SDK1: variants seen among roughly 807,000 people sequenced by gnomAD.
The protein encoded by SDK1 is sidekick cell adhesion molecule 1.
Under a neutral mutation model 245.5 loss-of-function variants are expected in SDK1, and 157 were observed. The ratio of observed to expected loss-of-function variants is 0.64; its 90% CI spans 0.56 to 0.73. The LOEUF (loss-of-function observed/expected upper bound fraction) is 0.73, where lower values mean the gene tolerates loss of function less well. Among genes scored for constraint, SDK1 ranks in the 30% least tolerant of loss-of-function variants. The pLI is 0.00. For synonymous variants in SDK1, 1,647 were observed against 1,278.5 expected (o/e 1.29, Z -6.15); for missense variants, 3,583 against 3,002.3 (o/e 1.19, Z -4.52).
At chr7:3,894,318 G>A (rs992775625) in intron 5 of SDK1, among the ~76,000 whole-genome samples, 10 of 152,048 alleles carry the variant, frequency 6.6e-5, no homozygotes, top group Non-Finnish European at 1.5e-4. Context: ...TTGCCTTCTC[G>A]ACTGGAGGCT....
intron 4 of SDK1, among the ~76,000 whole-genome samples, chr7:3,802,811 C>T (rs1779139950): frequency 6.6e-6 from 1 of 152,138 alleles, no homozygotes; most frequent in African/African-American, 2.4e-5. Context: ...TATTGTGATG[C>T]CGGATTCTGT....
At chr7:3,672,559 C>T (rs1039684323) in intron 4 of SDK1, among the ~76,000 whole-genome samples, 4 of 135,342 alleles carry the variant, frequency 3.0e-5, no homozygotes, top group East Asian at 2.1e-4. Context: ...AGAGTGAGAT[C>T]GATAAAGGAG....
chr7:4,261,501 A>G (rs1051743022), intron 44 of SDK1, among the ~76,000 whole-genome samples: 38 of 152,036 alleles, frequency 2.5e-4, no homozygotes, highest in African/African-American at 8.2e-4. Context: ...GTGGCTGGCA[A>G]TGGGGCCCAC....
chr7:3,338,147 A>G, intron 1 of SDK1: 1 of 218,298 alleles, frequency 4.6e-6, no homozygotes, highest in Non-Finnish European at 9.3e-6. Flanking sequence ...CAAAGAGAAA[A>G]GGGAGAGGCA....
intron 4 of SDK1, among the ~76,000 whole-genome samples, chr7:3,703,598 A>G (rs537754415): frequency 6.6e-6 from 1 of 152,294 alleles, no homozygotes; most frequent in South Asian, 2.1e-4. Context: ...CATTGCACTA[A>G]TTTCAATTTC....
intron 1 of SDK1, among the ~76,000 whole-genome samples, chr7:3,518,476 A>G (rs191501685): frequency 1.7e-4 from 25 of 148,338 alleles, no homozygotes; most frequent in Admixed American, 1.7e-3. Flanking sequence ...AGGAACTTAA[A>G]CATCTGAACA....
chr7:3,658,151 G>C lies in SDK1; in HGVS notation c.713+16046G>C, dbSNP rs954839260. Among the ~76,000 whole-genome samples, 73 of 152,170 alleles carry C rather than the reference G, an allele frequency of 4.8e-4. 1 individual carries two copies. The highest frequency in any genetic ancestry group is 1.7e-3 in the African/African-American group (70 of 41,446). On this transcript the variant is annotated intron_variant, in intron 4 of 44. Coordinates refer to ENST00000404826, the MANE Select transcript of SDK1 (RefSeq NM_152744.4). ...CCTCACAGGACTTTTACTTTGGTGC[G>C]TGATGATCACATCCCCTCACAGGTG... is the stretch of plus-strand genomic sequence containing the variant.
chr7:3,704,671 T>C (rs1784835472), intron 4 of SDK1, among the ~76,000 whole-genome samples: 1 of 152,218 alleles, frequency 6.6e-6, no homozygotes, highest in South Asian at 2.1e-4. Context: ...TTTCTTTTGC[T>C]GTACAGAAGC....
chr7:3,489,666 TA>T (rs1195560271), intron 1 of SDK1, among the ~76,000 whole-genome samples: 9 of 152,234 alleles, frequency 5.9e-5, no homozygotes, highest in Non-Finnish European at 1.3e-4. Flanking sequence ...TTTTTCTGCA[TA>T]TTTGTAATTC....
rs754859469 is a variant in SDK1 at position 3,850,892 on chromosome 7, AG to A, written c.847+29310del. On this transcript the variant is annotated intron_variant, in intron 5 of 44. Coordinates refer to ENST00000404826, the MANE Select transcript of SDK1 (RefSeq NM_152744.4). ...GGGAGGGGGGAGGGAAAGAATTAAG[AG>A]ATATACCTAATGTAAATGACGACTT... Among the ~76,000 whole-genome samples, 3 of 152,132 alleles carry A rather than the reference AG, an allele frequency of 2.0e-5. No individual in the cohort carries two copies. In the East Asian group the frequency reaches 5.8e-4, roughly 29 times the overall value.
chr7:4,239,657 G>A (rs1478120951), intron 42 of SDK1, among the ~76,000 whole-genome samples: 6 of 152,126 alleles, frequency 3.9e-5, no homozygotes, highest in African/African-American at 9.7e-5. Flanking sequence ...AGCCACGCAC[G>A]GCGCCCGGCC....
chr7:3,613,295 G>T (rs1781663868), intron 1 of SDK1, among the ~76,000 whole-genome samples: 1 of 152,102 alleles, frequency 6.6e-6, no homozygotes, highest in Non-Finnish European at 1.5e-5. Flanking sequence ...GATGGGTCAT[G>T]GTCCCTTTCT....
intron 5 of SDK1, among the ~76,000 whole-genome samples, chr7:3,886,625 T>G (rs756109569): frequency 7.2e-5 from 11 of 152,348 alleles, no homozygotes; most frequent in Non-Finnish European, 1.3e-4. Flanking sequence ...GCCTCAAAAG[T>G]TGGCTTTTGG....
chr7:3,685,068 G>A (rs1006637173), intron 4 of SDK1, among the ~76,000 whole-genome samples: 10 of 152,298 alleles, frequency 6.6e-5, no homozygotes, highest in Middle Eastern at 3.4e-3. Flanking sequence ...GGCTGAAAAT[G>A]TTTGAAGAAG....
chr7:3,666,606 T>C (rs1783542014), intron 4 of SDK1, among the ~76,000 whole-genome samples: 1 of 152,190 alleles, frequency 6.6e-6, no homozygotes, highest in South Asian at 2.1e-4. Context: ...TATCATAAGC[T>C]CCTGAGGACA....
chr7:3,739,746 G>A (rs533626199), intron 4 of SDK1, among the ~76,000 whole-genome samples: 8 of 152,068 alleles, frequency 5.3e-5, no homozygotes, highest in Admixed American at 1.3e-4. Flanking sequence ...TTTCTGTAAA[G>A]TCTAGCATAC....
At chr7:3,596,865 A>T (rs1304642243) in intron 1 of SDK1, among the ~76,000 whole-genome samples, 2 of 152,180 alleles carry the variant, frequency 1.3e-5, no homozygotes, top group Non-Finnish European at 2.9e-5. Context: ...ACCATAAAAG[A>T]TAGAAGTGAG....
chr7:3,789,858 C>T (rs145859785), intron 4 of SDK1, among the ~76,000 whole-genome samples: 206 of 152,054 alleles, frequency 1.4e-3, no homozygotes, highest in Non-Finnish European at 2.5e-3. Context: ...AGTCAGAGAG[C>T]CTGCAGATCA....
intron 5 of SDK1, among the ~76,000 whole-genome samples, chr7:3,922,793 C>G (rs1223572567): frequency 1.3e-5 from 2 of 152,186 alleles, no homozygotes; most frequent in African/African-American, 4.8e-5. Flanking sequence ...AGATGCAAAT[C>G]TTTTTCCAAG....
Sources: gnomAD v4.1 joint callset for allele counts (sites outside exome capture counted in the v4.1 genomes callset) on GRCh38, gnomAD v4.1.1 for gene constraint, MANE v1.5 for transcripts, NCBI Gene and HGNC (gene_info 2026-07-23, HGNC 2026-07-21) for gene names.